The following RGS7 variants were observed in gnomAD, a reference collection of about 807,000 sequenced individuals.
RGS7 encodes regulator of G protein signaling 7.
Under a neutral mutation model 81.1 loss-of-function variants are expected in RGS7, and 27 were observed. The observed-to-expected ratio is 0.33, with a 90% CI of 0.25 to 0.46. RGS7 has a LOEUF of 0.46. RGS7 is among the 20% of genes least tolerant of loss of function. RGS7 has a pLI of 1.00. For missense variants in RGS7, 396 were observed against 607.4 expected, an observed-to-expected ratio of 0.65 and a Z score of 3.66; for synonymous variants, 208 against 207.7, an observed-to-expected ratio of 1.00 and a Z score of -0.01.
intron 2 of RGS7, among the ~76,000 whole-genome samples, chr1:241,321,869 C>CTAGAAT (rs2081233602): frequency 6.6e-6 from 1 of 151,972 alleles, no homozygotes; most frequent in African/African-American, 2.4e-5. Context: ...TCCAAACCGC[C>CTAGAAT]GTTCTAGAAT....
intron 2 of RGS7, among the ~76,000 whole-genome samples, chr1:241,228,497 A>C (rs562838597): frequency 6.6e-6 from 1 of 152,338 alleles, no homozygotes; most frequent in South Asian, 2.1e-4. Context: ...GAGCCCGCTG[A>C]ACAGATAAGA....
chr1:241,230,561 G>A (rs968721829), intron 2 of RGS7, among the ~76,000 whole-genome samples: 1 of 152,226 alleles, frequency 6.6e-6, no homozygotes, highest in African/African-American at 2.4e-5. Flanking sequence ...GGTATGCCAT[G>A]GGGCCCATCA....
intron 2 of RGS7, among the ~76,000 whole-genome samples, chr1:241,152,888 A>G (rs922367708): frequency 2.6e-5 from 4 of 152,162 alleles, no homozygotes; most frequent in Non-Finnish European, 4.4e-5. Context: ...CATGAGATTC[A>G]GGGGTTATTT....
At chr1:241,290,018 A>G (rs933234277) in intron 2 of RGS7, among the ~76,000 whole-genome samples, 3 of 152,234 alleles carry the variant, frequency 2.0e-5, no homozygotes, top group Non-Finnish European at 4.4e-5. Context: ...ATCAGAATTG[A>G]GGCAAAGGCT....
intron 9 of RGS7, among the ~76,000 whole-genome samples, chr1:240,837,718 G>C (rs555519779): frequency 6.6e-6 from 1 of 152,286 alleles, no homozygotes; most frequent in South Asian, 2.1e-4. Flanking sequence ...CAAAAAGTAG[G>C]AAAATGAACT....
Position 240,816,318 on chromosome 1 carries a change from T to C in RGS7, c.782A>G (p.Gln261Arg). Residue 261 changes from glutamine to arginine, a missense_variant and splice_region_variant, in exon 11 of 19, where the codon CAG becomes CGG. Coordinates refer to ENST00000440928, the MANE Select transcript of RGS7 (RefSeq NM_001364886.1). The stretch of plus-strand genomic sequence containing the variant: ...AGGTCATCTCATAGGTTGACTCACC[T>C]GTTGTTGTAACTCATCTTCTGTTGG... ...KPPTEDELQQ[Q>R]IKYWQIQLDR... is the part of the protein sequence containing the mutation. 1 of 1,599,934 alleles carries C rather than the reference T, an allele frequency of 6.3e-7. No individual in the cohort carries two copies. The highest frequency in any genetic ancestry group is 8.6e-7 in the Non-Finnish European group (1 of 1,167,184).
intron 6 of RGS7, among the ~76,000 whole-genome samples, chr1:240,887,829 ATTCT>A (rs1667640126): frequency 6.6e-6 from 1 of 152,120 alleles, no homozygotes; most frequent in Non-Finnish European, 1.5e-5. Flanking sequence ...TTAATTATTA[ATTCT>A]TTCTGTTCCC....
At chr1:240,878,884 T>G (rs1665920820) in intron 6 of RGS7, among the ~76,000 whole-genome samples, 1 of 152,240 alleles carries the variant, frequency 6.6e-6, no homozygotes. Flanking sequence ...CATTGATTAG[T>G]CATATCCCTA....
chr1:241,046,860 A>G (rs2060955217), intron 3 of RGS7, among the ~76,000 whole-genome samples: 1 of 152,088 alleles, frequency 6.6e-6, no homozygotes, highest in African/African-American at 2.4e-5. Context: ...TATATATGAA[A>G]TGTACACCAG....
intron 3 of RGS7, among the ~76,000 whole-genome samples, chr1:241,004,700 C>T (rs558952057): frequency 0.049 from 7,531 of 152,194 alleles, 608 homozygotes; most frequent in African/African-American, 0.17. Context: ...CCCAGCAACG[C>T]CTGTCCCTCT....
chr1:241,232,642 T>C (rs1015330774), intron 2 of RGS7, among the ~76,000 whole-genome samples: 2 of 151,320 alleles, frequency 1.3e-5, no homozygotes, highest in East Asian at 3.9e-4. Context: ...TCCATTTCCA[T>C]ATATATTTTA....
chr1:241,323,481 A>G (rs1255776540), intron 2 of RGS7, among the ~76,000 whole-genome samples: 2 of 152,252 alleles, frequency 1.3e-5, no homozygotes, highest in African/African-American at 2.4e-5. Context: ...CAGCCCATGC[A>G]CACACAAGCC....
At chr1:241,034,381 A>G (rs1205238574) in intron 3 of RGS7, among the ~76,000 whole-genome samples, 1 of 152,220 alleles carries the variant, frequency 6.6e-6, no homozygotes, top group Non-Finnish European at 1.5e-5. Context: ...CTGTTGCCGG[A>G]GTAACTAACA....
intron 2 of RGS7, among the ~76,000 whole-genome samples, chr1:241,120,459 C>A (rs892847943): frequency 2.1e-4 from 32 of 152,220 alleles, no homozygotes; most frequent in African/African-American, 7.7e-4. Flanking sequence ...GCAATCTTCA[C>A]GCCTCAGCCT....
intron 3 of RGS7, among the ~76,000 whole-genome samples, chr1:241,000,633 A>C (rs1328098942): frequency 1.3e-5 from 2 of 150,610 alleles, no homozygotes; most frequent in African/African-American, 2.4e-5. Context: ...TTCCTCATTT[A>C]TTTCTTTTCT....
At chr1:241,084,154 G>A (rs2063303860) in intron 3 of RGS7, among the ~76,000 whole-genome samples, 1 of 152,150 alleles carries the variant, frequency 6.6e-6, no homozygotes, top group Non-Finnish European at 1.5e-5. Flanking sequence ...ATGTACGACT[G>A]CCCCTGTGAC....
intron 2 of RGS7, among the ~76,000 whole-genome samples, chr1:241,177,318 GGA>G (rs1407141188): frequency 6.6e-6 from 1 of 152,132 alleles, no homozygotes; most frequent in Non-Finnish European, 1.5e-5. Flanking sequence ...CACATCTGAT[GGA>G]GAGAGTTCAG....
intron 3 of RGS7, among the ~76,000 whole-genome samples, chr1:241,023,772 T>G (rs2059656585): frequency 6.6e-6 from 1 of 152,224 alleles, no homozygotes; most frequent in Non-Finnish European, 1.5e-5. Context: ...CAAGATGTAG[T>G]TTCACTCTTG....
At chr1:240,944,313 T>C (rs1467874390) in intron 4 of RGS7, among the ~76,000 whole-genome samples, 15 of 133,202 alleles carry the variant, frequency 1.1e-4, no homozygotes, top group African/African-American at 4.0e-4. Context: ...TATATATATA[T>C]ATATATATAT....
Sources: gnomAD v4.1 joint callset for allele counts (sites outside exome capture counted in the v4.1 genomes callset) on GRCh38, gnomAD v4.1.1 for gene constraint, MANE v1.5 for transcripts, NCBI Gene and HGNC (gene_info 2026-07-23, HGNC 2026-07-21) for gene names.